Variants in CDK5RAP3 observed in about 807,000 individuals in gnomAD.
CDK5RAP3 encodes CDK5 regulatory subunit-associated protein 3.
A neutral mutation model predicts 73.3 loss-of-function variants in CDK5RAP3; 58 were observed. The ratio of observed to expected loss-of-function variants is 0.79; its 90% CI spans 0.64 to 0.98. The LOEUF is 0.98. Ranked by LOEUF, CDK5RAP3 falls within the 50% of genes least tolerant of loss-of-function variation. CDK5RAP3 has a pLI of 0.00. For missense variants in CDK5RAP3, 525 were observed against 615.8 expected, an observed-to-expected ratio of 0.85 and a Z score of 1.56; for synonymous variants, 224 against 247.5, an observed-to-expected ratio of 0.91 and a Z score of 0.89.
intron 4 of CDK5RAP3, 143 bp from the exon 5 acceptor site, chr17:47,974,257 G>T: frequency 1.2e-6 from 1 of 842,140 alleles, no homozygotes; most frequent in East Asian, 2.4e-5. Context: ...GGGTGGTCCA[G>T]CCAGCAGAGT....
At chr17:47,975,408 G>T in intron 6 of CDK5RAP3, 71 bp downstream of exon 6, 1 of 1,605,194 alleles carries the variant, frequency 6.2e-7, no homozygotes, top group South Asian at 1.1e-5. Flanking sequence ...GACCCCGTCT[G>T]ACCCCTCAGC....
At chr17:47,975,763 C>G in intron 7 of CDK5RAP3, 106 bp from the exon 8 acceptor site, 7 of 1,586,592 alleles carry the variant, frequency 4.4e-6, no homozygotes, top group Non-Finnish European at 6.0e-6. Flanking sequence ...CTTTACACAC[C>G]TGAACCTGTG....
At position 47,980,717 on chromosome 17, in the gene CDK5RAP3, TG is replaced by T. The variant is rs1416204716; in HGVS notation, c.1204del (p.Val402CysfsTer7). 1 of 1,614,236 alleles carries T rather than the reference TG, an allele frequency of 6.2e-7. No individual in the cohort carries two copies. Among genetic ancestry groups the T allele is most frequent in the Non-Finnish European group, 8.5e-7 (1 of 1,180,040 alleles). On this transcript the variant is annotated frameshift_variant, in exon 12 of 14. Coordinates refer to ENST00000338399, the MANE Select transcript of CDK5RAP3 (RefSeq NM_176096.3). LOFTEE classifies it high-confidence loss of function. ...QGQTKEKMVTMVSVLEDLIGK... is the reference protein window; with the variant it reads ...QGQTKEKMVTXVSVLEDLIGK... ...CAGACCAAAGAGAAGATGGTTACCA[TG>T]GTGTCAGTGCTGGAGGATCTGATTG...
chr17:47,978,799 C>A (rs1455288183), intron 10 of CDK5RAP3, 30 bp from the exon 11 acceptor site: 2 of 1,565,680 alleles, frequency 1.3e-6, no homozygotes, highest in East Asian at 4.5e-5. Context: ...TCCTCTGATC[C>A]TTTATCACTT....
At chr17:47,972,705 G>A (rs565345218) in intron 2 of CDK5RAP3, among the ~76,000 whole-genome samples, 1 of 151,966 alleles carries the variant, frequency 6.6e-6, no homozygotes, top group African/African-American at 2.4e-5. Context: ...TTAGGCACTT[G>A]ACATGATAAA....
intron 3 of CDK5RAP3, 77 bp downstream of exon 3, chr17:47,973,727 T>C: frequency 6.4e-7 from 1 of 1,573,056 alleles, no homozygotes; most frequent in Non-Finnish European, 8.7e-7. Flanking sequence ...TCTCTTGTTA[T>C]TTAGCCACCA....
chr17:47,976,092 A>G (rs2036406243), intron 8 of CDK5RAP3, 79 bp downstream of exon 8: 1 of 1,523,986 alleles, frequency 6.6e-7, no homozygotes, highest in Non-Finnish European at 8.9e-7. Context: ...AGCCCAACCC[A>G]AGACCCAGAG....
chr17:47,971,070 T>C, upstream of CDK5RAP3: 1 of 1,550,698 alleles, frequency 6.4e-7, no homozygotes, highest in South Asian at 1.2e-5. Flanking sequence ...AAACGGAGGC[T>C]CGGCCACAAC....
At chr17:47,977,230 C>G (rs1006717589) in intron 9 of CDK5RAP3, among the ~76,000 whole-genome samples, 2 of 152,178 alleles carry the variant, frequency 1.3e-5, no homozygotes, top group African/African-American at 4.8e-5. Flanking sequence ...CTCACTGCAA[C>G]CTCTGCCTCC....
At chr17:47,970,568 T>C (rs898116688), upstream of CDK5RAP3, 4 of 1,128,120 alleles carry the variant, frequency 3.5e-6, no homozygotes, top group African/African-American at 4.6e-5. Flanking sequence ...TCTCACCGAC[T>C]CTCTTCCTTC....
intron 11 of CDK5RAP3, chr17:47,980,350 C>G (rs1318687357): frequency 2.0e-6 from 1 of 509,992 alleles, no homozygotes; most frequent in Admixed American, 3.2e-5. Context: ...CTCACTATAA[C>G]CTCAAACTCC....
At chr17:47,968,666 C>T (rs544325596), upstream of CDK5RAP3, among the ~76,000 whole-genome samples, 2 of 152,144 alleles carry the variant, frequency 1.3e-5, no homozygotes, top group Non-Finnish European at 2.9e-5. Context: ...TACAGGCGTA[C>T]GCCACCACGC....
chr17:47,971,167 G>T lies in CDK5RAP3; in HGVS notation c.6+15G>T. On this transcript the variant is annotated intron_variant, in intron 1 of 13. Coordinates refer to ENST00000338399, the MANE Select transcript of CDK5RAP3 (RefSeq NM_176096.3). ...GAAAGATGGAGGTGTGGGGACAGGA[G>T]CTGGGTGTGCTGGGGACTGGCCGCG... 1.3e-6 allele frequency: 2 copies of T among 1,545,928 alleles called. No homozygotes were observed. Among genetic ancestry groups the T allele is most frequent in the Non-Finnish European group, 1.7e-6 (2 of 1,143,748 alleles).
intron 11 of CDK5RAP3, 24 bp downstream of exon 11, chr17:47,978,941 A>AGG (rs772710426): frequency 3.8e-6 from 6 of 1,581,968 alleles, no homozygotes; most frequent in Non-Finnish European, 4.3e-6. Context: ...TGGAAGATGC[A>AGG]GGGGGGAGGC....
At chr17:47,970,905 T>G, upstream of CDK5RAP3, 1 of 1,444,292 alleles carries the variant, frequency 6.9e-7, no homozygotes, top group Non-Finnish European at 9.1e-7. Context: ...TGAGCCCGCC[T>G]CGCGTCTCCA....
chr17:47,980,977 T>C (rs958063305), intron 12 of CDK5RAP3, 179 bp downstream of exon 12: 3 of 848,706 alleles, frequency 3.5e-6, no homozygotes, highest in Non-Finnish European at 5.5e-6. Context: ...AGGAAGAATC[T>C]GCTTGCTTCC....
At position 47,974,247 on chromosome 17, in the gene CDK5RAP3, G is replaced by A. The variant is rs555175500; in HGVS notation, c.286-153G>A. On this transcript the variant is annotated intron_variant, in intron 4 of 13. Coordinates refer to ENST00000338399, the MANE Select transcript of CDK5RAP3 (RefSeq NM_176096.3). The stretch of plus-strand genomic sequence containing the variant: ...TAGGGATTGCCTGCACTCTTAAAGT[G>A]GGTGGTCCAGCCAGCAGAGTTGAAA... The A allele has an allele frequency of 2.8e-4, 224 of 787,912 alleles. 1 individual carries two copies. In the African/African-American group the frequency reaches 3.5e-3, roughly 12 times the overall value. 48.8% of individuals were successfully genotyped at this position (787,912 alleles called of 1,614,324 possible).
rs1302803777 is a variant in CDK5RAP3 at position 47,973,985 on chromosome 17, C to T, written c.239C>T (p.Ala80Val). 1.9e-6 allele frequency: 3 copies of T among 1,614,110 alleles called. No homozygotes were observed. The highest frequency in any genetic ancestry group is 2.5e-6 in the Non-Finnish European group (3 of 1,179,944). Reference protein sequence around the residue: ...RILDLLKGTEASTKNIFGRYS... With the variant: ...RILDLLKGTEVSTKNIFGRYS... Reference sequence around the variant, plus strand: ...CTGGACCTTCTCAAAGGCACAGAGGCCTCCACGAAGAATATTTTTGGCCGA... The same window carrying T: ...CTGGACCTTCTCAAAGGCACAGAGGTCTCCACGAAGAATATTTTTGGCCGA... The change falls in exon 4 of 14, where the codon GCC (alanine) becomes GTC (valine). Residue 80 changes from alanine (A) to valine (V), a missense_variant. Around this residue, in one of 2 missense-constraint regions of CDK5RAP3, gnomAD observed 409 missense variants for 429.8 expected, o/e 0.95. Coordinates refer to ENST00000338399, the MANE Select transcript of CDK5RAP3 (RefSeq NM_176096.3).
At chr17:47,976,113 A>T (rs1194193374) in intron 8 of CDK5RAP3, 100 bp downstream of exon 8, 1 of 1,440,674 alleles carries the variant, frequency 6.9e-7, no homozygotes, top group African/African-American at 1.4e-5. Context: ...AGAAGAAGGG[A>T]GGATTTCTGT....
Sources: gnomAD v4.1 joint callset for allele counts (sites outside exome capture counted in the v4.1 genomes callset) on GRCh38, gnomAD v4.1.1 for gene constraint, gnomAD v4.1.1 regional missense constraint, MANE v1.5 for transcripts, NCBI Gene and HGNC (gene_info 2026-07-23, HGNC 2026-07-21) for gene names.